Variants in MSANTD1 observed in about 807,000 individuals in gnomAD.
The protein encoded by MSANTD1 is Myb/SANT DNA binding domain containing 1, also known as myb/SANT-like DNA-binding domain-containing protein 1.
A neutral mutation model predicts 24.2 loss-of-function variants in MSANTD1; 7 were observed. That is an observed-to-expected ratio of 0.29 (90% confidence interval 0.16 to 0.54). The LOEUF (loss-of-function observed/expected upper bound fraction) is 0.54. Among genes scored for constraint, MSANTD1 ranks in the 20% least tolerant of loss-of-function variants. MSANTD1 has a pLI of 0.94. For synonymous variants in MSANTD1, 177 were observed against 181.1 expected (o/e 0.98, Z 0.18); for missense variants, 384 against 408.2 (o/e 0.94, Z 0.51).
upstream of MSANTD1, chr4:3,246,706 G>A (rs1055528214): frequency 2.3e-5 from 16 of 689,766 alleles, no homozygotes; most frequent in Non-Finnish European, 3.4e-5. Flanking sequence ...CAGATGTGGG[G>A]ACCCTCCCAG....
At chr4:3,248,050 G>T (rs1263181773), upstream of MSANTD1, 2 of 152,368 alleles carry the variant, frequency 1.3e-5, no homozygotes, top group Admixed American at 1.3e-4. Flanking sequence ...GACCACAGTG[G>T]CATTTAGCCT....
At chr4:3,252,468 G>A (rs1460097086) in intron 1 of MSANTD1, among the ~76,000 whole-genome samples, 1 of 152,264 alleles carries the variant, frequency 6.6e-6, no homozygotes, top group African/African-American at 2.4e-5. Flanking sequence ...GTTGCAGGTT[G>A]TAGCGCTGGA....
At chr4:3,252,826 A>T (rs1722267822) in intron 1 of MSANTD1, among the ~76,000 whole-genome samples, 1 of 152,250 alleles carries the variant, frequency 6.6e-6, no homozygotes, top group South Asian at 2.1e-4. Flanking sequence ...TTACAATAAA[A>T]CCTTATTACT....
upstream of MSANTD1, among the ~76,000 whole-genome samples, chr4:3,247,132 AG>A (rs1397569043): frequency 6.6e-6 from 1 of 152,094 alleles, no homozygotes; most frequent in Non-Finnish European, 1.5e-5. Flanking sequence ...AAGGGGGTAG[AG>A]GGCACGTAGA....
chr4:3,255,222 T>C (rs992477640), intron 2 of MSANTD1, among the ~76,000 whole-genome samples: 1 of 151,608 alleles, frequency 6.6e-6, no homozygotes, highest in Non-Finnish European at 1.5e-5. Context: ...GGCCTCTCTT[T>C]CTTTCTTTTT....
upstream of MSANTD1, chr4:3,247,780 G>T: frequency 6.6e-6 from 1 of 152,446 alleles, no homozygotes. Flanking sequence ...GCGGGCAAGA[G>T]GGAGCCCCAG....
At chr4:3,251,148 C>T (rs950287001) in intron 1 of MSANTD1, among the ~76,000 whole-genome samples, 10 of 152,178 alleles carry the variant, frequency 6.6e-5, no homozygotes, top group Non-Finnish European at 1.5e-5. Flanking sequence ...GGCAGCTGCC[C>T]GCGGCCCCAC....
chr4:3,250,588 C>T (rs1234102379), intron 1 of MSANTD1, among the ~76,000 whole-genome samples: 2 of 152,084 alleles, frequency 1.3e-5, no homozygotes, highest in African/African-American at 2.4e-5. Flanking sequence ...TTGCACGGAG[C>T]GAGGGTGGCA....
At chr4:3,253,565 C>A in intron 2 of MSANTD1, 83 bp downstream of exon 2, 1 of 1,372,698 alleles carries the variant, frequency 7.3e-7, no homozygotes, top group Non-Finnish European at 9.5e-7. Context: ...GTGGCAAGGC[C>A]GGCGGCGGCG....
chr4:3,253,091 A>G (rs1560617638), intron 1 of MSANTD1, 116 bp from the exon 2 acceptor site: 1 of 1,129,018 alleles, frequency 8.9e-7, no homozygotes. Context: ...GGCCCTTGCC[A>G]GCCGAGAGCG....
chr4:3,253,592 AGGCCGTGGCTGC>A, intron 2 of MSANTD1, 110 bp downstream of exon 2: 1 of 1,223,158 alleles, frequency 8.2e-7, no homozygotes, highest in South Asian at 2.1e-5. Flanking sequence ...GTGGTTGCAG[AGGCCGTGGCTGC>A]GGGCAGCGCC....
upstream of MSANTD1, chr4:3,244,784 C>T (rs1721969281): frequency 6.6e-6 from 1 of 152,296 alleles, no homozygotes; most frequent in African/African-American, 2.4e-5. Context: ...AGGGGTCGTC[C>T]ACCCATTCTT....
Position 3,249,304 on chromosome 4 carries a change from G to A in MSANTD1, c.82G>A (p.Gly28Arg), listed in dbSNP as rs1055425450. 1.1e-5 allele frequency: 17 copies of A among 1,536,118 alleles called. No homozygotes were observed. Among genetic ancestry groups the A allele is most frequent in the Non-Finnish European group, 1.5e-5 (17 of 1,136,414 alleles). ...CGCCTCCGGCATGGCGGCGGCCGAG[G>A]GGCCCGGCTACCTCGTGTCTCCCCA... The part of the protein sequence containing the change: ...TGASGMAAAE[G>R]PGYLVSPQAE... The change falls in exon 1 of 3, where the codon GGG becomes AGG. Residue 28 changes from glycine (G) to arginine (R), a missense_variant. Physicochemically the swap from Gly to Arg is moderately radical, Grantham distance 125. Coordinates refer to ENST00000438480, the MANE Select transcript of MSANTD1 (RefSeq NM_001042690.2).
rs200875450 is a variant in MSANTD1 at position 3,253,568 on chromosome 4, CG to C, written c.596+88del. ...AAGGGACTGGGAGTGGCAAGGCCGG[CG>C]GCGGCGGCCACAGTGGTTGCAGAGG... On this transcript the variant is annotated intron_variant, in intron 2 of 2. Coordinates refer to ENST00000438480, the MANE Select transcript of MSANTD1 (RefSeq NM_001042690.2). The C allele has an allele frequency of 2.1e-3, 2,836 of 1,355,514 alleles. 59 individuals are homozygous for C. In the African/African-American group the frequency reaches 0.036, roughly 17 times the overall value. The allele number at this position is 1,355,514 out of a possible 1,614,324, so 84.0% of individuals were successfully genotyped here. A position where few individuals can be genotyped will look rare whatever the true frequency, so the allele number is the denominator to read the frequency against.
chr4:3,246,385 C>T (rs532468301), upstream of MSANTD1, among the ~76,000 whole-genome samples: 4 of 152,348 alleles, frequency 2.6e-5, no homozygotes, highest in South Asian at 8.3e-4. Flanking sequence ...GTCCCCATGT[C>T]CTGCTGGCCT....
rs966574828 is a variant in MSANTD1 at position 3,255,854 on chromosome 4, C to T, written c.726C>T (p.Arg242=). 54 of 1,545,236 alleles carry T rather than the reference C, an allele frequency of 3.5e-5. No homozygotes were observed. Among genetic ancestry groups the T allele is most frequent in the African/African-American group, 3.2e-4 (23 of 72,988 alleles). ...RLSRAVEETC[R]EVRRVLDQQH... ...GCCGCGCCGTGGAGGAGACCTGCCGCGAGGTGCGCCGCGTGCTGGACCAGC... is the reference window on the plus strand; with the variant it reads ...GCCGCGCCGTGGAGGAGACCTGCCGTGAGGTGCGCCGCGTGCTGGACCAGC... The change falls in exon 3 of 3, where the codon CGC becomes CGT. Residue 242 remains arginine, a synonymous_variant. Coordinates refer to ENST00000438480, the MANE Select transcript of MSANTD1 (RefSeq NM_001042690.2).
chr4:3,256,231 C>T lies in MSANTD1; in HGVS notation c.*266C>T, dbSNP rs1311606216. On this transcript the variant is annotated 3_prime_UTR_variant, in exon 3 of 3. Coordinates refer to ENST00000438480, the MANE Select transcript of MSANTD1 (RefSeq NM_001042690.2). ...GGGGTTCACTCCGAGTAAGAACGTCCTAGAGCCACTCTCCAGTGTCGTTAC... is the reference window on the plus strand; with the variant it reads ...GGGGTTCACTCCGAGTAAGAACGTCTTAGAGCCACTCTCCAGTGTCGTTAC... 1.1e-5 allele frequency: 4 copies of T among 373,766 alleles called. No homozygotes were observed. The highest frequency in any genetic ancestry group is 4.2e-5 in the African/African-American group (2 of 47,072). 23.2% of individuals were successfully genotyped at this position (373,766 alleles called of 1,614,324 possible).
intron 1 of MSANTD1, among the ~76,000 whole-genome samples, chr4:3,250,883 G>C (rs1722205406): frequency 6.6e-6 from 1 of 152,254 alleles, no homozygotes; most frequent in East Asian, 1.9e-4. Context: ...GCCCTAGTGG[G>C]AGTGGGGAAG....
intron 2 of MSANTD1, among the ~76,000 whole-genome samples, chr4:3,255,504 A>G (rs1722357558): frequency 6.6e-6 from 1 of 152,196 alleles, no homozygotes; most frequent in Non-Finnish European, 1.5e-5. Context: ...GATTACAGGC[A>G]TAAGCCTCCA....
Sources: gnomAD v4.1 joint callset for allele counts (sites outside exome capture counted in the v4.1 genomes callset) on GRCh38, gnomAD v4.1.1 for gene constraint, MANE v1.5 for transcripts, NCBI Gene and HGNC (gene_info 2026-07-23, HGNC 2026-07-21) for gene names.